NSD1: variants seen among roughly 807,000 people sequenced by gnomAD.
NSD1 encodes nuclear receptor binding SET domain protein 1.
Under a neutral mutation model 242.7 loss-of-function variants are expected in NSD1, and 26 were observed. The ratio of observed to expected loss-of-function variants is 0.11; its 90% CI spans 0.08 to 0.15. The LOEUF is 0.15. Ranked by LOEUF, NSD1 falls within the 10% of genes least tolerant of loss-of-function variation. The pLI is 1.00. For missense variants in NSD1, 2,495 were observed against 3,272.8 expected, an observed-to-expected ratio of 0.76 and a Z score of 5.80; for synonymous variants, 1,106 against 1,178.1, an observed-to-expected ratio of 0.94 and a Z score of 1.25.
chr5:177,144,932 A>C (rs1252960888), intron 2 of NSD1, among the ~76,000 whole-genome samples: 1 of 152,014 alleles, frequency 6.6e-6, no homozygotes, highest in East Asian at 1.9e-4. Flanking sequence ...AATACAAAAA[A>C]AAATTAGCTG....
intron 3 of NSD1, among the ~76,000 whole-genome samples, chr5:177,192,712 G>T (rs1418780606): frequency 6.6e-6 from 1 of 152,128 alleles, no homozygotes; most frequent in Admixed American, 6.6e-5. Flanking sequence ...TGTATTTTTA[G>T]TAGAGACGGG....
chr5:177,259,944 A>G, intron 13 of NSD1, 45 bp from the exon 14 acceptor site: 4 of 1,601,814 alleles, frequency 2.5e-6, no homozygotes, highest in Non-Finnish European at 3.4e-6. Context: ...TTTATATTTA[A>G]TATTTTTGTT....
In NSD1 at chr5:177,294,815, A is replaced by G. The variant is rs1351029751; in HGVS notation, c.7447A>G (p.Met2483Val). The part of the protein sequence containing the change: ...HQVTPQADEK[M>V]PVLESSSWPA... ...GGTCACACCACAGGCTGATGAGAAG[A>G]TGCCAGTGTTGGAGTCAAGTTCATG... Residue 2483 changes from methionine to valine, a missense_variant, in exon 23 of 23, where the codon ATG becomes GTG. By Grantham distance (21) the Met-to-Val change is conservative (BLOSUM62 1). Transcript: ENST00000439151. 1 of 1,612,952 alleles carries G rather than the reference A, an allele frequency of 6.2e-7. No individual in the cohort carries two copies. Among genetic ancestry groups the G allele is most frequent in the Non-Finnish European group, 8.5e-7 (1 of 1,180,018 alleles).
intron 16 of NSD1, among the ~76,000 whole-genome samples, chr5:177,270,288 TG>T (rs1250075907): frequency 2.6e-5 from 4 of 152,242 alleles, no homozygotes; most frequent in African/African-American, 9.6e-5. Context: ...TTTTGTAAAC[TG>T]GCCTAGCAAT....
At chr5:177,222,301 G>A (rs1413921941) in intron 5 of NSD1, among the ~76,000 whole-genome samples, 1 of 152,104 alleles carries the variant, frequency 6.6e-6, no homozygotes, top group East Asian at 1.9e-4. Flanking sequence ...GCTAATTTTT[G>A]TGTTCTTAGT....
chr5:177,284,429 C>T (rs991649888), intron 20 of NSD1, among the ~76,000 whole-genome samples: 1 of 152,048 alleles, frequency 6.6e-6, no homozygotes, highest in Non-Finnish European at 1.5e-5. Context: ...AGGCACATGT[C>T]CCCATTCCCA....
At position 177,134,270 on chromosome 5, in the gene NSD1, C is replaced by A. The variant is rs1171886169; in HGVS notation, c.-18+318C>A. ...GGTAGCAGGCTGCGGGGCGCGGGGC[C>A]GGCTGCCCTCCCGCAGCAAACTTTG... On this transcript the variant is annotated intron_variant, in intron 1 of 22. Transcript: ENST00000439151. The surrounding 1 kb of genome is among the most constrained non-coding windows in gnomAD (Gnocchi z 4.2). 1 of 151,936 alleles carries A rather than the reference C, an allele frequency of 6.6e-6. No individual in the cohort carries two copies. The highest frequency in any genetic ancestry group is 1.5e-5 in the Non-Finnish European group (1 of 67,948). 9.4% of individuals were successfully genotyped at this position (151,936 alleles called of 1,614,324 possible). A position where few individuals can be genotyped will look rare whatever the true frequency, so the allele number is the denominator to read the frequency against.
Position 177,158,329 on chromosome 5 carries a change from T to TTTTC in NSD1, c.927+22319_927+22322dup, listed in dbSNP as rs201158112. On this transcript the variant is annotated intron_variant, in intron 2 of 22. Transcript: ENST00000439151. ...TTCTTTCTTTTCTTTCTTTTCTTTC[T>TTTTC]TTTCTTTCTTTCTTTCTTTCTTTTT... is the stretch of plus-strand genomic sequence containing the variant. Among the ~76,000 whole-genome samples, 191 of 140,700 alleles carry TTTTC rather than the reference T, an allele frequency of 1.4e-3. 1 individual carries two copies. Among genetic ancestry groups the TTTTC allele is most frequent in the African/African-American group, 4.5e-3 (169 of 37,690 alleles). The allele number at this position is 140,700 out of a possible 152,430, so 92.3% of individuals were successfully genotyped here.
rs1220086684 is a variant in NSD1, at chr5:177,269,831, C to T, written c.5509+24C>T. On this transcript the variant is annotated intron_variant, in intron 16 of 22. Transcript: ENST00000439151. The surrounding 1 kb of genome is among the most constrained non-coding windows in gnomAD (Gnocchi z 5.1). Reference sequence around the variant, plus strand: ...AGGTAACTTTATCCTTTTTGTTTCTCAGGCAAACACAGACCTCTGTTACCT... The same window carrying T: ...AGGTAACTTTATCCTTTTTGTTTCTTAGGCAAACACAGACCTCTGTTACCT... 1 of 1,583,944 alleles carries T rather than the reference C, an allele frequency of 6.3e-7. No individual in the cohort carries two copies. The highest frequency in any genetic ancestry group is 8.6e-7 in the Non-Finnish European group (1 of 1,157,420).
At chr5:177,175,460 TA>T (rs935347784) in intron 2 of NSD1, among the ~76,000 whole-genome samples, 15 of 147,984 alleles carry the variant, frequency 1.0e-4, no homozygotes, top group African/African-American at 1.7e-4. Flanking sequence ...ACCTCATCTC[TA>T]AAAAAAAAAA....
chr5:177,214,228 AG>A (rs369250321), intron 5 of NSD1, among the ~76,000 whole-genome samples: 20 of 152,256 alleles, frequency 1.3e-4, no homozygotes, highest in African/African-American at 4.6e-4. Flanking sequence ...GCCACTCGGG[AG>A]GCTGAGGTAG....
Position 177,136,025 on chromosome 5 carries a change from C to G in NSD1, c.922C>G (p.Pro308Ala), listed in dbSNP as rs112475345. 1.2e-5 allele frequency: 20 copies of G among 1,613,674 alleles called. No individual in the cohort carries two copies. Among genetic ancestry groups the G allele is most frequent in the African/African-American group, 5.3e-5 (4 of 74,982 alleles). ...ATCATCATCTACTTCACAGGAATTGCCATTTGTAAGCAGTTTTTGGTACAA... is the reference window on the plus strand; with the variant it reads ...ATCATCATCTACTTCACAGGAATTGGCATTTGTAAGCAGTTTTTGGTACAA... ...TSSSSTSQEL[P>A]FCQPKKKSTP... Residue 308 changes from proline to alanine, a missense_variant, in exon 2 of 23, where the codon CCA (proline) becomes GCA (alanine). Physicochemically the swap from Pro to Ala is conservative, Grantham distance 27. This residue lies in a region of NSD1 where 376 missense variants were observed against 367.4 expected (regional missense o/e 1.02). Coordinates refer to ENST00000439151, the MANE Select transcript of NSD1 (RefSeq NM_022455.5).
intron 14 of NSD1, among the ~76,000 whole-genome samples, chr5:177,263,510 A>G (rs1272906359): frequency 6.6e-6 from 1 of 152,232 alleles, no homozygotes; most frequent in African/African-American, 2.4e-5. Context: ...TACTCGCAGT[A>G]AAAGCATGGC....
intron 14 of NSD1, among the ~76,000 whole-genome samples, chr5:177,264,028 ATTT>A (rs61538775): frequency 0.041 from 3,132 of 76,096 alleles, 63 homozygotes; most frequent in South Asian, 0.075. Flanking sequence ...CAATGAACCA[ATTT>A]TTTTTTTTTT....
chr5:177,274,536 T>A (rs1758199969), intron 17 of NSD1, among the ~76,000 whole-genome samples: 1 of 152,228 alleles, frequency 6.6e-6, no homozygotes, highest in Non-Finnish European at 1.5e-5. Flanking sequence ...TTAGTTGCGA[T>A]GCTCAAATAT....
At chr5:177,147,911 CTAAG>C (rs1757385837) in intron 2 of NSD1, among the ~76,000 whole-genome samples, 1 of 151,608 alleles carries the variant, frequency 6.6e-6, no homozygotes, top group African/African-American at 2.4e-5. Flanking sequence ...CTTTTTATCA[CTAAG>C]TAATATTCCA....
In NSD1 at chr5:177,283,820, T is replaced by C. The variant is rs587784175; in HGVS notation, c.6043T>C (p.Tyr2015His). ...CATTGATGCTGGTCCCAAAGGAAAC[T>C]ATGCTCGGTTCATGAATCATTGCTG... ...RIIDAGPKGN[Y>H]ARFMNHCCQP... Residue 2015 changes from tyrosine to histidine, a missense_variant, in exon 20 of 23, where the codon TAT becomes CAT. Tyr to His is a moderately conservative substitution (Grantham distance 83). Around this residue, in one of 19 missense-constraint regions of NSD1, gnomAD observed 26 missense variants for 119.1 expected, o/e 0.22. Coordinates refer to ENST00000439151, the MANE Select transcript of NSD1 (RefSeq NM_022455.5). The C allele has an allele frequency of 8.1e-6, 13 of 1,614,106 alleles. No individual in the cohort carries two copies. The Admixed American group carries it at 1.8e-4, about 23-fold the overall frequency.
At chr5:177,212,223 A>T (rs1171656273) in intron 5 of NSD1, 28 bp downstream of exon 5, 2 of 1,607,898 alleles carry the variant, frequency 1.2e-6, no homozygotes, top group Non-Finnish European at 1.7e-6. Flanking sequence ...TGATAAAAAA[A>T]AAAAAATTGG....
chr5:177,246,597 G>T, intron 9 of NSD1, 81 bp from the exon 10 acceptor site: 1 of 960,478 alleles, frequency 1.0e-6, no homozygotes, highest in Non-Finnish European at 1.7e-6. Context: ...TTTAAGGTTG[G>T]TTTTTATTCT....
Sources: allele counts gnomAD v4.1 joint callset (sites outside exome capture counted in the v4.1 genomes callset), GRCh38; gene constraint gnomAD v4.1.1; regional missense constraint gnomAD v4.1.1; non-coding constraint Gnocchi (gnomAD v3.1); transcripts MANE v1.5; gene names NCBI Gene and HGNC (gene_info 2026-07-23, HGNC 2026-07-21).